SOX6: variants seen among roughly 807,000 people sequenced by gnomAD.
SOX6 encodes the protein SRY-box transcription factor 6, also known as transcription factor SOX-6.
Under a neutral mutation model 97.8 loss-of-function variants are expected in SOX6, and 11 were observed. That is an observed-to-expected ratio of 0.11 (90% CI 0.07 to 0.19). The LOEUF is 0.19. Ranked by LOEUF, SOX6 falls within the 10% of genes least tolerant of loss-of-function variation. SOX6 has a pLI of 1.00. For missense variants in SOX6, 810 were observed against 1,039.5 expected (o/e 0.78, Z 3.04); for synonymous variants, 360 against 371.4 (o/e 0.97, Z 0.35).
intron 6 of SOX6, among the ~76,000 whole-genome samples, chr11:16,161,514 C>A (rs186194892): frequency 2.0e-5 from 3 of 151,888 alleles, no homozygotes; most frequent in Non-Finnish European, 4.4e-5. Context: ...CAAATTACAA[C>A]AACAAAAATC....
intron 2 of SOX6, among the ~76,000 whole-genome samples, chr11:16,728,257 T>A (rs1487939552): frequency 6.6e-6 from 1 of 152,158 alleles, no homozygotes; most frequent in Non-Finnish European, 1.5e-5. Context: ...CTCAAGTGGG[T>A]CCCTGACCCC....
intron 5 of SOX6, among the ~76,000 whole-genome samples, chr11:16,185,227 C>G (rs1565005173): frequency 6.6e-6 from 1 of 152,146 alleles, no homozygotes; most frequent in African/African-American, 2.4e-5. Flanking sequence ...TGAGACTCCT[C>G]CTTGTCAGAG....
intron 3 of SOX6, among the ~76,000 whole-genome samples, chr11:16,272,699 T>C (rs1233753054): frequency 6.6e-6 from 1 of 151,724 alleles, no homozygotes; most frequent in African/African-American, 2.4e-5. Flanking sequence ...AGATGAAAAA[T>C]GACTTTTAAT....
chr11:16,422,940 T>G (rs571880445), intron 1 of SOX6, among the ~76,000 whole-genome samples: 2 of 152,356 alleles, frequency 1.3e-5, no homozygotes, highest in African/African-American at 4.8e-5. Context: ...TGTTTCTGCT[T>G]CAACAACTGC....
intron 3 of SOX6, among the ~76,000 whole-genome samples, chr11:16,281,983 GTATATATA>G (rs57254231): frequency 2.1e-5 from 3 of 143,054 alleles, no homozygotes; most frequent in East Asian, 2.0e-4. Context: ...ATAAAATCAT[GTATATATA>G]TATATATATA....
At chr11:16,581,986 A>G (rs1269928924) in intron 4 of SOX6, among the ~76,000 whole-genome samples, 2 of 151,768 alleles carry the variant, frequency 1.3e-5, no homozygotes, top group East Asian at 3.9e-4. Context: ...AAGAAGAAGA[A>G]GAATGAAATC....
At chr11:16,109,753 A>G (rs1362077788) in intron 7 of SOX6, among the ~76,000 whole-genome samples, 1 of 152,224 alleles carries the variant, frequency 6.6e-6, no homozygotes, top group Non-Finnish European at 1.5e-5. Context: ...AAATATTGAA[A>G]GAATTAGAGT....
At chr11:16,181,336 A>C (rs1851340441) in intron 6 of SOX6, among the ~76,000 whole-genome samples, 1 of 151,696 alleles carries the variant, frequency 6.6e-6, no homozygotes, top group South Asian at 2.1e-4. Context: ...TATATTTAAT[A>C]ATCTTTAATT....
chr11:16,360,563 C>G (rs1217933961), upstream of SOX6, among the ~76,000 whole-genome samples: 1 of 152,124 alleles, frequency 6.6e-6, no homozygotes. Context: ...ATGTACTGCC[C>G]AAACATATCT....
chr11:16,064,874 A>T (rs1292163708), intron 9 of SOX6, among the ~76,000 whole-genome samples: 1 of 152,012 alleles, frequency 6.6e-6, no homozygotes, highest in African/African-American at 2.4e-5. Flanking sequence ...CCTCAATATA[A>T]TAAAAGCCGT....
At chr11:16,459,488 A>G (rs561091575) in intron 1 of SOX6, among the ~76,000 whole-genome samples, 45 of 152,206 alleles carry the variant, frequency 3.0e-4, no homozygotes, top group Admixed American at 2.3e-3. Context: ...AGGAAAATCA[A>G]TCAATTGAAA....
intron 2 of SOX6, among the ~76,000 whole-genome samples, chr11:16,337,511 A>C (rs975068418): frequency 6.6e-5 from 10 of 152,162 alleles, no homozygotes; most frequent in Admixed American, 6.6e-4. Context: ...ATTCCAGCCT[A>C]ATGAGTCAGT....
intron 2 of SOX6, among the ~76,000 whole-genome samples, chr11:16,723,281 C>T (rs1232052651): frequency 6.6e-6 from 1 of 151,944 alleles, no homozygotes; most frequent in African/African-American, 2.4e-5. Context: ...ATGATAAGAA[C>T]TTATGAACAC....
intron 1 of SOX6, among the ~76,000 whole-genome samples, chr11:16,352,817 T>C (rs1325072147): frequency 6.6e-6 from 1 of 152,026 alleles, no homozygotes; most frequent in African/African-American, 2.4e-5. Context: ...AATTACTAGT[T>C]AACAACTTTA....
chr11:16,338,838 AT>A (rs1002980097), intron 2 of SOX6, among the ~76,000 whole-genome samples: 4 of 152,060 alleles, frequency 2.6e-5, no homozygotes, highest in Admixed American at 1.3e-4. Flanking sequence ...TTATTAATAT[AT>A]TTTTAAGACA....
At chr11:16,149,232 C>A (rs1168597522) in intron 6 of SOX6, among the ~76,000 whole-genome samples, 1 of 152,116 alleles carries the variant, frequency 6.6e-6, no homozygotes, top group African/African-American at 2.4e-5. Context: ...TTTTCAAGGG[C>A]AGTTATTTTA....
intron 3 of SOX6, among the ~76,000 whole-genome samples, 171 bp from the exon 4 acceptor site, chr11:16,234,842 A>G (rs745579162): frequency 6.6e-6 from 1 of 152,002 alleles, no homozygotes; most frequent in Non-Finnish European, 1.5e-5. Flanking sequence ...ATAAAATACC[A>G]CCACAAAGTT....
chr11:15,978,694 C>G (rs1351642352), intron 15 of SOX6, among the ~76,000 whole-genome samples: 2 of 148,666 alleles, frequency 1.3e-5, no homozygotes, highest in Non-Finnish European at 3.0e-5. Context: ...CAATTTATAT[C>G]TCCAGTAAGC....
intron 3 of SOX6, among the ~76,000 whole-genome samples, chr11:16,635,173 G>A (rs1189560154): frequency 6.6e-6 from 1 of 152,216 alleles, no homozygotes; most frequent in Non-Finnish European, 1.5e-5. Flanking sequence ...AAACGTGGAA[G>A]CAACTTCGAA....
Sources: allele counts gnomAD v4.1 joint callset (sites outside exome capture counted in the v4.1 genomes callset), GRCh38; gene constraint gnomAD v4.1.1; transcripts MANE v1.5; gene names NCBI Gene and HGNC (gene_info 2026-07-23, HGNC 2026-07-21).